RALGAPA2: variants seen among roughly 807,000 people sequenced by gnomAD.
The protein encoded by RALGAPA2 is Ral GTPase activating protein catalytic subunit alpha 2.
RALGAPA2 carries 139 observed loss-of-function variants against 230.4 expected under a neutral mutation model. That is an observed-to-expected ratio of 0.60 (90% CI 0.53 to 0.69). The LOEUF is 0.69. Ranked by LOEUF, RALGAPA2 falls within the 30% of genes least tolerant of loss-of-function variation. The probability of loss-of-function intolerance (pLI) is 0.00; values close to 1 mark genes in which losing one functional copy is unlikely to be tolerated. For synonymous variants in RALGAPA2, 847 were observed against 837.8 expected (o/e 1.01, Z -0.19); for missense variants, 2,163 against 2,276.0 (o/e 0.95, Z 1.01).
chr20:20,675,633 T>A (rs556649716), intron 3 of RALGAPA2, among the ~76,000 whole-genome samples: 1 of 152,164 alleles, frequency 6.6e-6, no homozygotes, highest in Admixed American at 6.5e-5. Context: ...AGAAAGACTT[T>A]AAGCTTAATA....
chr20:20,570,281 G>A (rs1323496303), intron 23 of RALGAPA2, among the ~76,000 whole-genome samples: 1 of 152,114 alleles, frequency 6.6e-6, no homozygotes, highest in Non-Finnish European at 1.5e-5. Context: ...CTCAAAGTAA[G>A]TATTGGGAAA....
chr20:20,643,470 G>A, intron 5 of RALGAPA2, 36 bp downstream of exon 5: 1 of 1,444,070 alleles, frequency 6.9e-7, no homozygotes, highest in Non-Finnish European at 9.3e-7. Context: ...AAATTTAAGA[G>A]TAATAAAAAA....
intron 37 of RALGAPA2, among the ~76,000 whole-genome samples, chr20:20,422,889 G>GA (rs1344758246): frequency 1.3e-5 from 2 of 152,224 alleles, no homozygotes; most frequent in East Asian, 3.9e-4. Context: ...TGGGTGGAGC[G>GA]ATTCATGGGA....
intron 37 of RALGAPA2, among the ~76,000 whole-genome samples, chr20:20,460,305 T>G (rs547006862): frequency 1.6e-4 from 25 of 152,360 alleles, no homozygotes; most frequent in Non-Finnish European, 3.1e-4. Context: ...TTTCCTCATT[T>G]TAGAGTAAGG....
intron 37 of RALGAPA2, among the ~76,000 whole-genome samples, chr20:20,438,197 G>A (rs149493474): frequency 0.012 from 1,846 of 152,286 alleles, 23 homozygotes; most frequent in South Asian, 0.025. Context: ...GTCACCAGTA[G>A]AAATCAGATA....
chr20:20,640,902 A>G (rs1165975968), intron 5 of RALGAPA2, 24 bp from the exon 6 acceptor site: 1 of 1,562,072 alleles, frequency 6.4e-7, no homozygotes, highest in East Asian at 2.3e-5. Context: ...AAAAACAATG[A>G]AAATGAAACA....
intron 18 of RALGAPA2, among the ~76,000 whole-genome samples, chr20:20,585,547 A>G (rs574716340): frequency 2.0e-5 from 3 of 152,362 alleles, no homozygotes; most frequent in South Asian, 2.1e-4. Context: ...TATAATGTAT[A>G]TAAGCAAAAT....
At chr20:20,538,748 CTG>C (rs2063562786) in intron 24 of RALGAPA2, among the ~76,000 whole-genome samples, 1 of 152,050 alleles carries the variant, frequency 6.6e-6, no homozygotes, top group Admixed American at 6.6e-5. Context: ...TTCAGAGGAA[CTG>C]AATGCATGCG....
At position 20,489,975 on chromosome 20, in the gene RALGAPA2, G is replaced by A. The variant is rs6046900; in HGVS notation, c.5367+5142C>T. 2.1e-3 allele frequency among the ~76,000 whole-genome samples: 314 copies of A among 152,336 alleles called. 1 individual carries two copies. Among genetic ancestry groups the A allele is most frequent in the African/African-American group, 7.1e-3 (294 of 41,584 alleles). On this transcript the variant is annotated intron_variant, in intron 36 of 39. Transcript: ENST00000202677. ...AAGCAAATAAGAAGAAGATGTATAT[G>A]CAAAGACCAACTTAAAAAAGGGGAA...
intron 4 of RALGAPA2, among the ~76,000 whole-genome samples, chr20:20,652,492 G>A (rs1366059313): frequency 6.6e-6 from 1 of 152,182 alleles, no homozygotes; most frequent in Admixed American, 6.5e-5. Context: ...CAAGAATGGT[G>A]ATATATTCTT....
intron 3 of RALGAPA2, among the ~76,000 whole-genome samples, chr20:20,667,450 A>C (rs1383719125): frequency 6.6e-6 from 1 of 152,250 alleles, no homozygotes; most frequent in East Asian, 1.9e-4. Context: ...CCAATCCAGC[A>C]TAACACCAAA....
At chr20:20,569,283 C>A (rs1171206313) in intron 23 of RALGAPA2, among the ~76,000 whole-genome samples, 2 of 152,126 alleles carry the variant, frequency 1.3e-5, no homozygotes, top group East Asian at 3.8e-4. Flanking sequence ...TAGAGTAATT[C>A]TGTTTGGCAG....
At chr20:20,588,183 C>T (rs906916215) in intron 18 of RALGAPA2, among the ~76,000 whole-genome samples, 1 of 152,118 alleles carries the variant, frequency 6.6e-6, no homozygotes, top group Non-Finnish European at 1.5e-5. Flanking sequence ...ATGTACATGG[C>T]TACAGTTTTC....
At chr20:20,693,825 C>T (rs972554825) in intron 1 of RALGAPA2, among the ~76,000 whole-genome samples, 5 of 152,132 alleles carry the variant, frequency 3.3e-5, no homozygotes, top group African/African-American at 1.2e-4. Flanking sequence ...AGAAAGTTGG[C>T]CGGGCACGGT....
intron 24 of RALGAPA2, among the ~76,000 whole-genome samples, 181 bp from the exon 25 acceptor site, chr20:20,536,965 A>T (rs571873715): frequency 6.6e-6 from 1 of 152,304 alleles, no homozygotes; most frequent in East Asian, 1.9e-4. Context: ...TTTCTAAGTA[A>T]TGGAAAATAT....
chr20:20,663,445 T>C (rs2067851243), intron 3 of RALGAPA2, among the ~76,000 whole-genome samples: 1 of 152,190 alleles, frequency 6.6e-6, no homozygotes. Flanking sequence ...ATTCTTACTG[T>C]AGATCTTAGC....
At chr20:20,633,416 A>G (rs967421635) in intron 9 of RALGAPA2, among the ~76,000 whole-genome samples, 6 of 151,608 alleles carry the variant, frequency 4.0e-5, no homozygotes, top group African/African-American at 1.5e-4. Flanking sequence ...ATTACAGGCG[A>G]GAGCCACTGC....
chr20:20,558,807 TAA>T (rs35519955), intron 23 of RALGAPA2, among the ~76,000 whole-genome samples: 46 of 91,162 alleles, frequency 5.0e-4, no homozygotes, highest in Admixed American at 4.9e-4. Context: ...TCAACTCTGC[TAA>T]AAAAAAAAAA....
At chr20:20,645,485 G>C (rs1016845451) in intron 4 of RALGAPA2, among the ~76,000 whole-genome samples, 3 of 152,078 alleles carry the variant, frequency 2.0e-5, no homozygotes, top group African/African-American at 7.2e-5. Flanking sequence ...ACACAGAGGA[G>C]AAAAATACAT....
Sources: allele counts gnomAD v4.1 joint callset (sites outside exome capture counted in the v4.1 genomes callset), GRCh38; gene constraint gnomAD v4.1.1; transcripts MANE v1.5; gene names NCBI Gene and HGNC (gene_info 2026-07-23, HGNC 2026-07-21).